Variants in PRDM16 observed in about 807,000 individuals in gnomAD.
PRDM16 encodes the protein PR/SET domain 16.
PRDM16 carries 23 observed loss-of-function variants against 110.6 expected under a neutral mutation model. The ratio of observed to expected loss-of-function variants is 0.21; its 90% CI spans 0.15 to 0.29. The LOEUF (loss-of-function observed/expected upper bound fraction) is 0.29, where lower values mean the gene tolerates loss of function less well. Ranked by LOEUF, PRDM16 falls within the 10% of genes least tolerant of loss-of-function variation. The probability of loss-of-function intolerance (pLI) is 1.00; values close to 1 mark genes in which losing one functional copy is unlikely to be tolerated. For synonymous variants in PRDM16, 799 were observed against 781.8 expected (o/e 1.02, Z -0.37); for missense variants, 1,615 against 1,794.3 (o/e 0.90, Z 1.81).
chr1:3,105,846 G>C (rs1334876649), intron 1 of PRDM16, among the ~76,000 whole-genome samples: 2 of 151,222 alleles, frequency 1.3e-5, no homozygotes, highest in Admixed American at 1.3e-4. Context: ...CAGGAAACAG[G>C]CGAGAGGCCA....
chr1:3,406,997 C>A (rs1271330571), intron 8 of PRDM16, among the ~76,000 whole-genome samples: 1 of 152,220 alleles, frequency 6.6e-6, no homozygotes, highest in African/African-American at 2.4e-5. Context: ...TGTTGAGTGA[C>A]CGTGGGCTCA....
intron 3 of PRDM16, chr1:3,308,771 A>T (rs7526595): frequency 0.086 from 13,128 of 152,198 alleles, 1,797 homozygotes; most frequent in African/African-American, 0.29. Flanking sequence ...TGGGGTCCAG[A>T]CGGCTGCTTT....
At position 3,434,264 on chromosome 1, in the gene PRDM16, A is replaced by G. The variant is rs556306994; in HGVS notation, c.*453A>G. 173 of 235,936 alleles carry G rather than the reference A, an allele frequency of 7.3e-4. No individual in the cohort carries two copies. Among genetic ancestry groups the G allele is most frequent in the African/African-American group, 3.6e-3 (164 of 45,564 alleles). The allele number at this position is 235,936 out of a possible 1,614,324, so 14.6% of individuals were successfully genotyped here. A position where few individuals can be genotyped will look rare whatever the true frequency, so the allele number is the denominator to read the frequency against. ...CAAGAATAACCCTTTTGGTAACCGT[A>G]TTGACTGCAGAGTCTATTTAAGCAT... On this transcript the variant is annotated 3_prime_UTR_variant, in exon 17 of 17. Coordinates refer to ENST00000270722, the MANE Select transcript of PRDM16 (RefSeq NM_022114.4).
intron 3 of PRDM16, among the ~76,000 whole-genome samples, chr1:3,323,616 C>T (rs1039529134): frequency 6.6e-6 from 1 of 152,220 alleles, no homozygotes; most frequent in Non-Finnish European, 1.5e-5. Flanking sequence ...ACCCCCAGCT[C>T]CCGCCTGGAA....
rs2493288 is a variant in PRDM16, at chr1:3,414,320, G to A, written c.2604-240G>A. Among the ~76,000 whole-genome samples, 22,420 of 152,134 alleles carry A rather than the reference G, an allele frequency of 0.15. 1,788 individuals are homozygous for A. Among genetic ancestry groups the A allele is most frequent in the Middle Eastern group, 0.25 (73 of 294 alleles). The stretch of plus-strand genomic sequence containing the variant: ...TGTGAGGGAACCACTGAGGGAGAGT[G>A]TTCAGGGGCAGGTGGTGACAGGGAG... On this transcript the variant is annotated intron_variant, in intron 9 of 16. Coordinates refer to ENST00000270722, the MANE Select transcript of PRDM16 (RefSeq NM_022114.4).
chr1:3,393,909 T>C (rs1009174308), intron 4 of PRDM16, among the ~76,000 whole-genome samples: 7 of 151,926 alleles, frequency 4.6e-5, no homozygotes, highest in African/African-American at 1.7e-4. Flanking sequence ...TAATTCCGAC[T>C]GTGGCTCCAA....
At position 3,425,809 on chromosome 1, in the gene PRDM16, G is replaced by A. The variant is rs1638587488; in HGVS notation, c.3109+59G>A. The A allele has an allele frequency of 6.3e-7, 1 of 1,596,732 alleles. No homozygotes were observed. The highest frequency in any genetic ancestry group is 8.6e-7 in the Non-Finnish European group (1 of 1,168,642). On this transcript the variant is annotated intron_variant, in intron 13 of 16. Coordinates refer to ENST00000270722, the MANE Select transcript of PRDM16 (RefSeq NM_022114.4). The surrounding 1 kb of genome is among the most constrained non-coding windows in gnomAD (Gnocchi z 6.9). Reference sequence around the variant, plus strand: ...ACCCACACGGGCAGGCCCCACAGAGGGGGAGGGGGAACAGCAGGGGAGTGG... The same window carrying A: ...ACCCACACGGGCAGGCCCCACAGAGAGGGAGGGGGAACAGCAGGGGAGTGG...
rs530825650 is a variant in PRDM16 at position 3,081,437 on chromosome 1, C to A, written c.37+12141C>A. Among the ~76,000 whole-genome samples, 1 of 152,304 alleles carries A rather than the reference C, an allele frequency of 6.6e-6. No individual in the cohort carries two copies. Among genetic ancestry groups the A allele is most frequent in the Admixed American group, 6.5e-5 (1 of 15,304 alleles). ...CTGGCCCGGCCGGCCCCTGGAGAGCCCCCTCCTTGTCCCACCAGACCGAGC... is the reference window on the plus strand; with the variant it reads ...CTGGCCCGGCCGGCCCCTGGAGAGCACCCTCCTTGTCCCACCAGACCGAGC... On this transcript the variant is annotated intron_variant, in intron 1 of 16. Transcript: ENST00000270722. This position sits in a 1 kb window ranked among gnomAD's most constrained non-coding sequence, Gnocchi z 4.6.
At chr1:3,149,504 A>T (rs1643738350) in intron 1 of PRDM16, among the ~76,000 whole-genome samples, 1 of 152,170 alleles carries the variant, frequency 6.6e-6, no homozygotes, top group African/African-American at 2.4e-5. Context: ...ACGTCAGTCT[A>T]CACAAGGGTG....
chr1:3,230,198 T>C (rs7518852), intron 2 of PRDM16, among the ~76,000 whole-genome samples: 44,876 of 152,184 alleles, frequency 0.29, 11,352 homozygotes, highest in African/African-American at 0.68. Flanking sequence ...CACTGGCAAC[T>C]GCTGCTCCAT....
intron 1 of PRDM16, among the ~76,000 whole-genome samples, chr1:3,151,555 G>C (rs1643775542): frequency 1.3e-5 from 2 of 152,252 alleles, no homozygotes; most frequent in Non-Finnish European, 2.9e-5. Flanking sequence ...GGATAAAGCA[G>C]AGGTGAGATT....
chr1:3,307,481 A>G (rs1389997470), intron 3 of PRDM16: 1 of 152,162 alleles, frequency 6.6e-6, no homozygotes, highest in African/African-American at 2.4e-5. Flanking sequence ...AATGAGGGAG[A>G]AAATTCAAAA....
intron 1 of PRDM16, among the ~76,000 whole-genome samples, chr1:3,114,228 C>A (rs528656992): frequency 0.018 from 2,261 of 127,166 alleles, 55 homozygotes; most frequent in African/African-American, 0.058. Flanking sequence ...AACACACACG[C>A]ACACACGCAG....
In PRDM16 at chr1:3,300,476, A is replaced by T. The variant is rs140785716; in HGVS notation, c.438+56339A>T. Among the ~76,000 whole-genome samples the T allele has an allele frequency of 7.4e-3, 1,126 of 151,670 alleles. 15 individuals are homozygous for T. The highest frequency in any genetic ancestry group is 0.026 in the African/African-American group (1,063 of 41,310). The stretch of plus-strand genomic sequence containing the variant: ...CTGTGGCCGTGATGTTTCCAATCCC[A>T]GTCGTGGTGGCTCTGCCCTGGTTGA... On this transcript the variant is annotated intron_variant, in intron 3 of 16. Coordinates refer to ENST00000270722, the MANE Select transcript of PRDM16 (RefSeq NM_022114.4).
chr1:3,394,769 C>T (rs1643360347), intron 4 of PRDM16, among the ~76,000 whole-genome samples: 1 of 152,210 alleles, frequency 6.6e-6, no homozygotes, highest in Non-Finnish European at 1.5e-5. Context: ...CTTCTCATCC[C>T]GCACTTTGGG....
chr1:3,294,679 C>T lies in PRDM16; in HGVS notation c.438+50542C>T, dbSNP rs965403672. ...GCGCCATCCTCTGTCCCCCAGGCCT[C>T]GCGGGCTGGGCTGCGTTTGGTTGAG... On this transcript the variant is annotated intron_variant, in intron 3 of 16. Coordinates refer to ENST00000270722, the MANE Select transcript of PRDM16 (RefSeq NM_022114.4). 3.0e-4 allele frequency among the ~76,000 whole-genome samples: 46 copies of T among 152,298 alleles called. 1 individual carries two copies. Among genetic ancestry groups the T allele is most frequent in the African/African-American group, 9.1e-4 (38 of 41,566 alleles).
chr1:3,125,364 T>C (rs1269763159), intron 1 of PRDM16, among the ~76,000 whole-genome samples: 2 of 152,246 alleles, frequency 1.3e-5, no homozygotes, highest in Non-Finnish European at 2.9e-5. Flanking sequence ...ACGGTCCTCC[T>C]GTCCTTTCTG....
At position 3,195,089 on chromosome 1, in the gene PRDM16, C is replaced by G. The variant is rs1638431399; in HGVS notation, c.387+8615C>G. Among the ~76,000 whole-genome samples the G allele has an allele frequency of 2.0e-5, 3 of 152,168 alleles. No individual in the cohort carries two copies. In the South Asian group the frequency reaches 6.2e-4, roughly 31 times the overall value. ...CCCGTGGAGCCAGCACCGGGCAGCTCGGCGAGGCACACAGCGTCGGGATTT... is the reference window on the plus strand; with the variant it reads ...CCCGTGGAGCCAGCACCGGGCAGCTGGGCGAGGCACACAGCGTCGGGATTT... On this transcript the variant is annotated intron_variant, in intron 2 of 16. Transcript: ENST00000270722.
chr1:3,151,372 G>T (rs1643772815), intron 1 of PRDM16, among the ~76,000 whole-genome samples: 1 of 152,228 alleles, frequency 6.6e-6, no homozygotes, highest in Non-Finnish European at 1.5e-5. Context: ...TTCCTCCTGG[G>T]AATAGACTCC....
Sources: gnomAD v4.1 joint callset for allele counts (sites outside exome capture counted in the v4.1 genomes callset) on GRCh38, gnomAD v4.1.1 for gene constraint, Gnocchi (gnomAD v3.1) non-coding constraint, MANE v1.5 for transcripts, NCBI Gene and HGNC (gene_info 2026-07-23, HGNC 2026-07-21) for gene names.